The following RARB variants were observed in gnomAD, a reference collection of about 807,000 sequenced individuals.
The protein encoded by RARB is retinoic acid receptor beta.
RARB carries 17 observed loss-of-function variants against 51.9 expected under a neutral mutation model. That is an observed-to-expected ratio of 0.33 (90% CI 0.22 to 0.49). The LOEUF (loss-of-function observed/expected upper bound fraction) is 0.49, where lower values mean the gene tolerates loss of function less well. RARB is among the 20% of genes least tolerant of loss of function. The pLI is 0.99. For missense variants in RARB, 369 were observed against 550.8 expected (o/e 0.67, Z 3.30); for synonymous variants, 215 against 195.4 (o/e 1.10, Z -0.84).
At chr3:25,214,670 T>C (rs1701777704) in intron 5 of RARB, among the ~76,000 whole-genome samples, 1 of 152,220 alleles carries the variant, frequency 6.6e-6, no homozygotes, top group South Asian at 2.1e-4. Flanking sequence ...TGGCTCAATT[T>C]ACACAGTTCC....
chr3:25,071,038 A>G (rs866914058), intron 3 of RARB, among the ~76,000 whole-genome samples: 22 of 152,318 alleles, frequency 1.4e-4, no homozygotes, highest in Non-Finnish European at 2.6e-4. Flanking sequence ...CTTGAGTGCC[A>G]CAAAGAGAAA....
At chr3:25,584,960 C>T (rs1701326479) in intron 5 of RARB, among the ~76,000 whole-genome samples, 1 of 151,648 alleles carries the variant, frequency 6.6e-6, no homozygotes, top group Admixed American at 6.6e-5. Context: ...CCCTCCGCCC[C>T]CACCCCACTG....
intron 5 of RARB, among the ~76,000 whole-genome samples, chr3:25,583,162 G>A (rs542229404): frequency 6.6e-6 from 1 of 152,330 alleles, no homozygotes; most frequent in African/African-American, 2.4e-5. Flanking sequence ...ATACCCATTT[G>A]GCCCTAGGCA....
intron 5 of RARB, among the ~76,000 whole-genome samples, chr3:25,356,728 T>G (rs1047561166): frequency 6.6e-6 from 1 of 152,136 alleles, no homozygotes; most frequent in African/African-American, 2.4e-5. Context: ...TATGTTCTCA[T>G]TGTTCAACTC....
intron 5 of RARB, among the ~76,000 whole-genome samples, chr3:25,209,352 T>C (rs1191860798): frequency 2.6e-5 from 4 of 152,336 alleles, no homozygotes; most frequent in South Asian, 2.1e-4. Context: ...AGTCATCCCA[T>C]AGGTGGGTGT....
chr3:25,538,391 C>T (rs1382365364), intron 3 of RARB, among the ~76,000 whole-genome samples: 2 of 152,112 alleles, frequency 1.3e-5, no homozygotes, highest in African/African-American at 4.8e-5. Context: ...ATTTTGAATT[C>T]TATCTTTACA....
At chr3:25,197,171 G>A (rs370599310) in intron 5 of RARB, among the ~76,000 whole-genome samples, 293 of 152,152 alleles carry the variant, frequency 1.9e-3, no homozygotes, top group African/African-American at 6.8e-3. Context: ...GTATTGCCTA[G>A]GTTGTCTTCT....
At chr3:25,521,290 G>T (rs1489930140) in intron 3 of RARB, among the ~76,000 whole-genome samples, 1 of 152,146 alleles carries the variant, frequency 6.6e-6, no homozygotes, top group Non-Finnish European at 1.5e-5. Context: ...GCATCTAAAA[G>T]ATACAACCAT....
intron 4 of RARB, among the ~76,000 whole-genome samples, chr3:25,147,310 C>A (rs1559482884): frequency 6.6e-6 from 1 of 152,100 alleles, no homozygotes; most frequent in Non-Finnish European, 1.5e-5. Flanking sequence ...TTCCCAACAC[C>A]AAGGCTAGGA....
chr3:25,334,931 G>A (rs1346211112), intron 5 of RARB, among the ~76,000 whole-genome samples: 1 of 152,248 alleles, frequency 6.6e-6, no homozygotes, highest in Non-Finnish European at 1.5e-5. Context: ...TTTCAGATCA[G>A]TGTGAGTTGT....
chr3:25,232,137 T>C (rs1702193190), intron 5 of RARB, among the ~76,000 whole-genome samples: 1 of 152,184 alleles, frequency 6.6e-6, no homozygotes, highest in Admixed American at 6.5e-5. Context: ...TTTGCACTTT[T>C]GTAAAAGGTT....
At chr3:25,580,873 AGC>A in intron 5 of RARB, 151 bp downstream of exon 5, 1 of 811,166 alleles carries the variant, frequency 1.2e-6, no homozygotes, top group Non-Finnish European at 1.8e-6. Context: ...GGACTCACCT[AGC>A]CTCTGGCTCC....
At chr3:24,877,059 A>G (rs2125353557) in intron 2 of RARB, among the ~76,000 whole-genome samples, 1 of 152,158 alleles carries the variant, frequency 6.6e-6, no homozygotes, top group African/African-American at 2.4e-5. Context: ...TATCATGTAT[A>G]TTTTCTCTAA....
At chr3:25,387,493 G>A (rs1374026621) in intron 5 of RARB, among the ~76,000 whole-genome samples, 1 of 152,080 alleles carries the variant, frequency 6.6e-6, no homozygotes, top group Non-Finnish European at 1.5e-5. Flanking sequence ...TGTTGTGTAC[G>A]CAATCATTCC....
chr3:25,362,724 G>T (rs1183381791), intron 5 of RARB, among the ~76,000 whole-genome samples: 1 of 152,166 alleles, frequency 6.6e-6, no homozygotes, highest in Admixed American at 6.5e-5. Context: ...GGTTAGGGGA[G>T]GGAGTTCCCT....
intron 5 of RARB, chr3:25,324,271 T>G (rs747606795): frequency 6.0e-6 from 1 of 167,340 alleles, no homozygotes; most frequent in Non-Finnish European, 1.3e-5. Context: ...CTCAAGAAGG[T>G]GGTACTCTTC....
At chr3:24,830,725 G>T (rs1359842528) in intron 1 of RARB, among the ~76,000 whole-genome samples, 1 of 151,916 alleles carries the variant, frequency 6.6e-6, no homozygotes, top group Admixed American at 6.6e-5. Flanking sequence ...TGTCCTGCCA[G>T]TTATGGAGGG....
intron 2 of RARB, among the ~76,000 whole-genome samples, chr3:24,978,157 A>G (rs1361944781): frequency 2.0e-5 from 3 of 152,122 alleles, no homozygotes. Flanking sequence ...GTTTGCCAGT[A>G]TTTTATTGAG....
intron 5 of RARB, among the ~76,000 whole-genome samples, chr3:25,251,200 T>C (rs1559331985): frequency 6.6e-6 from 1 of 152,108 alleles, no homozygotes; most frequent in Non-Finnish European, 1.5e-5. Context: ...TAGCATGCAT[T>C]ACTACTTCAT....
Sources: gnomAD v4.1 joint callset for allele counts (sites outside exome capture counted in the v4.1 genomes callset) on GRCh38, gnomAD v4.1.1 for gene constraint, MANE v1.5 for transcripts, NCBI Gene and HGNC (gene_info 2026-07-23, HGNC 2026-07-21) for gene names.